SCAP: variants seen among roughly 807,000 people sequenced by gnomAD.
The protein encoded by SCAP is SREBF chaperone, also known as sterol regulatory element-binding protein cleavage-activating protein.
SCAP carries 65 observed loss-of-function variants against 123.6 expected under a neutral mutation model. That is an observed-to-expected ratio of 0.53 (90% CI 0.43 to 0.65). The LOEUF is 0.65. Ranked by LOEUF, SCAP falls within the 30% of genes least tolerant of loss-of-function variation. The pLI is 0.00. For synonymous variants in SCAP, 740 were observed against 726.3 expected, an observed-to-expected ratio of 1.02 and a Z score of -0.30; for missense variants, 1,398 against 1,712.5, an observed-to-expected ratio of 0.82 and a Z score of 3.24.
At chr3:47,462,583 C>T (rs1027987999) in intron 1 of SCAP, among the ~76,000 whole-genome samples, 2 of 151,906 alleles carry the variant, frequency 1.3e-5, no homozygotes, top group African/African-American at 2.4e-5. Context: ...GAAACCCCGT[C>T]TCTACTAAAA....
At chr3:47,458,366 T>G (rs1707507141) in intron 1 of SCAP, among the ~76,000 whole-genome samples, 1 of 151,528 alleles carries the variant, frequency 6.6e-6, no homozygotes, top group Non-Finnish European at 1.5e-5. Flanking sequence ...GAGGCAGAGG[T>G]TGCAGTGAGC....
At chr3:47,455,850 G>A (rs1213606815) in intron 1 of SCAP, among the ~76,000 whole-genome samples, 4 of 152,224 alleles carry the variant, frequency 2.6e-5, no homozygotes, top group African/African-American at 9.6e-5. Context: ...GGAAAATAAA[G>A]ATGATGAAAG....
chr3:47,465,334 A>G (rs1234345516), intron 1 of SCAP, among the ~76,000 whole-genome samples: 1 of 152,072 alleles, frequency 6.6e-6, no homozygotes, highest in Non-Finnish European at 1.5e-5. Context: ...CCACACCTGG[A>G]TAATTTTTGT....
At chr3:47,457,920 A>G (rs1312637220) in intron 1 of SCAP, among the ~76,000 whole-genome samples, 1 of 152,050 alleles carries the variant, frequency 6.6e-6, no homozygotes, top group Non-Finnish European at 1.5e-5. Context: ...ATAAATAAAT[A>G]AAAAGAAAAT....
Position 47,415,080 on chromosome 3 carries a change from C to G in SCAP, c.3139+18G>C. The G allele has an allele frequency of 6.3e-7, 1 of 1,589,300 alleles. No individual in the cohort carries two copies. Among genetic ancestry groups the G allele is most frequent in the Non-Finnish European group, 8.5e-7 (1 of 1,170,906 alleles). ...GTCCCACCAAGTGTGAACACCTGCCCACCCCAGGCCCTCCGACCTCTAAAC... is the reference window on the plus strand; with the variant it reads ...GTCCCACCAAGTGTGAACACCTGCCGACCCCAGGCCCTCCGACCTCTAAAC... On this transcript the variant is annotated intron_variant, in intron 19 of 22. Transcript: ENST00000265565.
chr3:47,419,255 C>G lies in SCAP; in HGVS notation c.1940+73G>C. 1 of 1,522,174 alleles carries G rather than the reference C, an allele frequency of 6.6e-7. No homozygotes were observed. The highest frequency in any genetic ancestry group is 1.3e-5 in the South Asian group (1 of 78,446). The allele number at this position is 1,522,174 out of a possible 1,614,324, so 94.3% of individuals were successfully genotyped here. A position where few individuals can be genotyped will look rare whatever the true frequency, so the allele number is the denominator to read the frequency against. ...ATTTGCATAATTCAAACCTGTGGGC[C>G]TCCTGCATTGGGGAAAGGGGATGGT... On this transcript the variant is annotated intron_variant, in intron 13 of 22. Transcript: ENST00000265565. This position sits in a 1 kb window ranked among gnomAD's most constrained non-coding sequence, Gnocchi z 5.0.
intron 1 of SCAP, among the ~76,000 whole-genome samples, chr3:47,454,374 A>G (rs1707336913): frequency 6.6e-6 from 1 of 152,076 alleles, no homozygotes. Context: ...TCACAAAAAA[A>G]AAAGAATAGA....
chr3:47,414,756 C>T, intron 20 of SCAP, 71 bp downstream of exon 20: 1 of 1,604,466 alleles, frequency 6.2e-7, no homozygotes, highest in Non-Finnish European at 8.5e-7. Flanking sequence ...CCAGCCTCTC[C>T]CTGACGAATG....
At chr3:47,465,273 C>T (rs1002879119) in intron 1 of SCAP, among the ~76,000 whole-genome samples, 3 of 151,742 alleles carry the variant, frequency 2.0e-5, no homozygotes, top group Non-Finnish European at 2.9e-5. Context: ...CAGGTTCAAG[C>T]GATTCTCCTG....
chr3:47,455,878 A>G (rs1017365058), intron 1 of SCAP, among the ~76,000 whole-genome samples: 1 of 152,212 alleles, frequency 6.6e-6, no homozygotes, highest in African/African-American at 2.4e-5. Context: ...ACTTCACCAA[A>G]TAACAAAACA....
chr3:47,434,230 T>C (rs1226027870), intron 3 of SCAP, among the ~76,000 whole-genome samples: 1 of 152,250 alleles, frequency 6.6e-6, no homozygotes, highest in Non-Finnish European at 1.5e-5. Flanking sequence ...AGGAGAGCTC[T>C]GTTCGCTGAG....
At chr3:47,443,166 T>C (rs1559556849) in intron 1 of SCAP, 75 bp from the exon 2 acceptor site, 13 of 1,194,914 alleles carry the variant, frequency 1.1e-5, no homozygotes, top group Non-Finnish European at 1.2e-5. Flanking sequence ...AGGGAGGCGA[T>C]AGTTATGTGG....
intron 1 of SCAP, among the ~76,000 whole-genome samples, chr3:47,457,860 T>C (rs983066080): frequency 6.6e-6 from 1 of 152,112 alleles, no homozygotes; most frequent in African/African-American, 2.4e-5. Flanking sequence ...TGAGCTGAGA[T>C]GGCGCCACTG....
In SCAP at chr3:47,417,209, T is replaced by TACGA. The variant is rs765645431; in HGVS notation, c.2971-6_2971-3dup. 4.7e-5 allele frequency: 76 copies of TACGA among 1,612,776 alleles called. No homozygotes were observed. Among genetic ancestry groups the TACGA allele is most frequent in the Admixed American group, 6.7e-5 (4 of 59,984 alleles). Reference sequence around the variant, plus strand: ...CACCCCTTCAATGGCGTCCCACACCTACGAGTCCAGAGGCTGTGAGCACCT... The same window carrying TACGA: ...CACCCCTTCAATGGCGTCCCACACCTACGAACGAGTCCAGAGGCTGTGAGCACCT... On this transcript the variant is annotated splice_polypyrimidine_tract_variant and splice_region_variant and intron_variant, in intron 17 of 22. Coordinates refer to ENST00000265565, the MANE Select transcript of SCAP (RefSeq NM_012235.4).
intron 4 of SCAP, among the ~76,000 whole-genome samples, chr3:47,427,926 G>C (rs1706207567): frequency 6.6e-6 from 1 of 152,178 alleles, no homozygotes; most frequent in Non-Finnish European, 1.5e-5. Flanking sequence ...TACTATAAGA[G>C]CATGCACAAC....
chr3:47,438,687 G>A (rs1464299547), intron 2 of SCAP, among the ~76,000 whole-genome samples: 7 of 151,732 alleles, frequency 4.6e-5, no homozygotes, highest in Non-Finnish European at 7.4e-5. Context: ...GGTGGCACAC[G>A]CCTGTAATCC....
In SCAP at chr3:47,439,755, C is replaced by T. The variant is rs189702810; in HGVS notation, c.122+3117G>A. 2.0e-5 allele frequency among the ~76,000 whole-genome samples: 3 copies of T among 152,330 alleles called. No homozygotes were observed. The highest frequency in any genetic ancestry group is 7.2e-5 in the African/African-American group (3 of 41,570). On this transcript the variant is annotated intron_variant, in intron 2 of 22. Transcript: ENST00000265565. This position sits in a 1 kb window ranked among gnomAD's most constrained non-coding sequence, Gnocchi z 4.0. Reference sequence around the variant, plus strand: ...CATCAGATTTTCCCAGAGGAAAGAACAGTCACTGCACCCAGGGGCCAGGCA... The same window carrying T: ...CATCAGATTTTCCCAGAGGAAAGAATAGTCACTGCACCCAGGGGCCAGGCA...
At position 47,461,886 on chromosome 3, in the gene SCAP, T is replaced by C. The variant is rs956825704; in HGVS notation, c.-99+13913A>G. Among the ~76,000 whole-genome samples the C allele has an allele frequency of 2.6e-5, 4 of 151,996 alleles. No homozygotes were observed. In the East Asian group the frequency reaches 5.8e-4, roughly 22 times the overall value. ...CTATCTCTACTAAAAATACAAAAATTAGCCGAGCATGGTGACAGGCACCTA... is the reference window on the plus strand; with the variant it reads ...CTATCTCTACTAAAAATACAAAAATCAGCCGAGCATGGTGACAGGCACCTA... On this transcript the variant is annotated intron_variant, in intron 1 of 22. Coordinates refer to ENST00000265565, the MANE Select transcript of SCAP (RefSeq NM_012235.4).
chr3:47,416,615 CTTTTTTTTTTTTTTTTTTTTTTT>C (rs3077503), intron 18 of SCAP, among the ~76,000 whole-genome samples: 2 of 70,220 alleles, frequency 2.8e-5, no homozygotes, highest in African/African-American at 1.2e-4. Flanking sequence ...ACCCCTAACG[CTTTTTTTTTTTTTTTTTTTTTTT>C]TTTTTTGAGA....
Sources: allele counts gnomAD v4.1 joint callset (sites outside exome capture counted in the v4.1 genomes callset), GRCh38; gene constraint gnomAD v4.1.1; non-coding constraint Gnocchi (gnomAD v3.1); transcripts MANE v1.5; gene names NCBI Gene and HGNC (gene_info 2026-07-23, HGNC 2026-07-21).